The following NUCB2 variants were observed in gnomAD, a reference collection of about 807,000 sequenced individuals.
NUCB2 encodes nucleobindin 2, also known as nucleobindin-2.
In NUCB2, 48 loss-of-function variants were observed where a neutral mutation model predicts 57.9. That is an observed-to-expected ratio of 0.83 (90% CI 0.66 to 1.05). The LOEUF is 1.05. Among genes scored for constraint, NUCB2 ranks in the 50% least tolerant of loss-of-function variants. The pLI is 0.00. For synonymous variants in NUCB2, 139 were observed against 152.1 expected, an observed-to-expected ratio of 0.91 and a Z score of 0.64; for missense variants, 442 against 476.2, an observed-to-expected ratio of 0.93 and a Z score of 0.67.
At chr11:17,282,628 A>T (rs1041063074) in intron 1 of NUCB2, among the ~76,000 whole-genome samples, 161 bp from the exon 2 acceptor site, 11 of 152,116 alleles carry the variant, frequency 7.2e-5, no homozygotes, top group Non-Finnish European at 1.5e-4. Context: ...CCTTAATGGA[A>T]TATGATATAA....
In NUCB2 at chr11:17,331,513, T is replaced by C. The variant is rs1301798597; in HGVS notation, c.*94T>C. 2.6e-6 allele frequency: 2 copies of C among 757,982 alleles called. No homozygotes were observed. Among genetic ancestry groups the C allele is most frequent in the African/African-American group, 1.8e-5 (1 of 55,276 alleles). The allele number at this position is 757,982 out of a possible 1,614,324, so 47.0% of individuals were successfully genotyped here. A position where few individuals can be genotyped will look rare whatever the true frequency, so the allele number is the denominator to read the frequency against. On this transcript the variant is annotated 3_prime_UTR_variant, in exon 14 of 14. Coordinates refer to ENST00000529010, the MANE Select transcript of NUCB2 (RefSeq NM_005013.4). ...TTCCTTTTTCTCTGCTCAATAAATATTTTAAAAGCATATTTGAAATAAAGG... is the reference window on the plus strand; with the variant it reads ...TTCCTTTTTCTCTGCTCAATAAATACTTTAAAAGCATATTTGAAATAAAGG...
At chr11:17,313,660 T>C (rs1399035287) in intron 10 of NUCB2, among the ~76,000 whole-genome samples, 5 of 152,196 alleles carry the variant, frequency 3.3e-5, no homozygotes, top group African/African-American at 1.2e-4. Flanking sequence ...TTCTTCACTT[T>C]TCCTTTTCGC....
At position 17,345,662 on chromosome 11, in the gene NUCB2, G is replaced by A. The variant is rs368786895; in HGVS notation, n.2627-3683G>A. Among the ~76,000 whole-genome samples the A allele has an allele frequency of 2.0e-5, 3 of 152,106 alleles. No individual in the cohort carries two copies. The East Asian group carries it at 5.8e-4, about 29-fold the overall frequency. On this transcript the variant is annotated intron_variant and non_coding_transcript_variant, in intron 2 of 2. Transcript: ENST00000532240. ...GCGGAGGTTGCAGTGAGCCGATAAC[G>A]CACCACTGCACTACAGCCTGGGTGG...
intron 5 of NUCB2, among the ~76,000 whole-genome samples, chr11:17,306,982 G>A (rs768719146): frequency 6.6e-6 from 1 of 152,020 alleles, no homozygotes; most frequent in Non-Finnish European, 1.5e-5. Context: ...TTTCTCATTG[G>A]TTCAGTATGA....
intron 11 of NUCB2, among the ~76,000 whole-genome samples, chr11:17,316,362 A>G (rs1172293564): frequency 6.6e-6 from 1 of 152,216 alleles, no homozygotes; most frequent in African/African-American, 2.4e-5. Flanking sequence ...ACAATATTTC[A>G]CAAACATCTT....
chr11:17,323,296 T>G (rs1216180664), intron 11 of NUCB2, among the ~76,000 whole-genome samples: 2 of 152,222 alleles, frequency 1.3e-5, no homozygotes, highest in East Asian at 1.9e-4. Context: ...GAAGGGATGT[T>G]GAATTTTTTC....
intron 5 of NUCB2, among the ~76,000 whole-genome samples, chr11:17,307,562 T>G (rs796197223): frequency 3.3e-4 from 50 of 152,346 alleles, no homozygotes; most frequent in African/African-American, 1.0e-3. Flanking sequence ...GTTTTTCAAT[T>G]AATAATATAT....
chr11:17,292,483 T>C (rs754136886), intron 2 of NUCB2, among the ~76,000 whole-genome samples: 4 of 152,326 alleles, frequency 2.6e-5, no homozygotes, highest in South Asian at 2.1e-4. Flanking sequence ...ATAGGGCTTA[T>C]TAAAACAGAT....
intron 2 of NUCB2, among the ~76,000 whole-genome samples, chr11:17,289,976 GT>G (rs1233708951): frequency 1.3e-5 from 2 of 152,118 alleles, no homozygotes; most frequent in African/African-American, 4.8e-5. Flanking sequence ...TGTTCCTTGA[GT>G]TTTTTTATTT....
chr11:17,311,838 A>G lies in NUCB2; in HGVS notation c.761-34A>G, dbSNP rs1174693827. 2.9e-6 allele frequency: 4 copies of G among 1,380,948 alleles called. No individual in the cohort carries two copies. The South Asian group carries it at 5.1e-5, about 18-fold the overall frequency. 85.5% of individuals were successfully genotyped at this position (1,380,948 alleles called of 1,614,324 possible). Reference sequence around the variant, plus strand: ...TTTAATTATTTTCTAAGTTATTAAAATCTATTTTTGCATTTGTAACTTTTA... The same window carrying G: ...TTTAATTATTTTCTAAGTTATTAAAGTCTATTTTTGCATTTGTAACTTTTA... On this transcript the variant is annotated intron_variant, in intron 8 of 13. Transcript: ENST00000529010.
intron 2 of NUCB2, among the ~76,000 whole-genome samples, chr11:17,287,533 C>T (rs1565372157): frequency 6.6e-6 from 1 of 151,734 alleles, no homozygotes; most frequent in African/African-American, 2.4e-5. Context: ...ATTAGCAGGG[C>T]ATGGTGGCGC....
At chr11:17,304,299 A>T (rs1035686768) in intron 5 of NUCB2, among the ~76,000 whole-genome samples, 10 of 151,192 alleles carry the variant, frequency 6.6e-5, no homozygotes, top group African/African-American at 2.4e-4. Context: ...TGTTCAAGGG[A>T]TTCTCCTGCC....
intron 2 of NUCB2, among the ~76,000 whole-genome samples, chr11:17,345,436 C>G (rs143918931): frequency 6.6e-6 from 1 of 152,052 alleles, no homozygotes; most frequent in African/African-American, 2.4e-5. Context: ...TGGCTGGGTG[C>G]GGTGGCTCAC....
intron 5 of NUCB2, among the ~76,000 whole-genome samples, chr11:17,306,923 A>G (rs540235195): frequency 9.9e-5 from 15 of 152,174 alleles, no homozygotes; most frequent in African/African-American, 3.6e-4. Context: ...AAAAAAAAAA[A>G]AAAGAAAAGA....
chr11:17,321,060 G>T (rs1949954990), intron 11 of NUCB2, among the ~76,000 whole-genome samples: 1 of 151,708 alleles, frequency 6.6e-6, no homozygotes, highest in Non-Finnish European at 1.5e-5. Flanking sequence ...TGGAAAATTG[G>T]GTATCCATCC....
intron 11 of NUCB2, among the ~76,000 whole-genome samples, chr11:17,315,894 A>G (rs1477950878): frequency 2.9e-5 from 4 of 136,820 alleles, no homozygotes; most frequent in Non-Finnish European, 5.0e-5. Flanking sequence ...CAGTATGTAA[A>G]CAATGTATTG....
chr11:17,318,966 T>TTTGAGACCAGTCTGGGCA (rs1266274911), intron 11 of NUCB2, among the ~76,000 whole-genome samples: 3 of 152,088 alleles, frequency 2.0e-5, no homozygotes, highest in African/African-American at 4.8e-5. Flanking sequence ...AGCCCAGGAG[T>TTTGAGACCAGTCTGGGCA]TTGAGACCAG....
At chr11:17,303,642 T>C (rs544788084) in intron 5 of NUCB2, among the ~76,000 whole-genome samples, 178 of 152,308 alleles carry the variant, frequency 1.2e-3, no homozygotes, top group African/African-American at 4.1e-3. Context: ...CCCAGCACTT[T>C]GGGAGGCCGA....
chr11:17,312,194 G>A, intron 10 of NUCB2, 74 bp downstream of exon 10: 1 of 826,694 alleles, frequency 1.2e-6, no homozygotes, highest in South Asian at 1.9e-5. Context: ...CTTTAAGATG[G>A]AAAATATACA....
Sources: allele counts gnomAD v4.1 joint callset (sites outside exome capture counted in the v4.1 genomes callset), GRCh38; gene constraint gnomAD v4.1.1; transcripts MANE v1.5; gene names NCBI Gene and HGNC (gene_info 2026-07-23, HGNC 2026-07-21).